The following KCNIP4 variants were observed in gnomAD, a reference collection of about 807,000 sequenced individuals.
The protein encoded by KCNIP4 is potassium voltage-gated channel interacting protein 4.
A neutral mutation model predicts 34.0 loss-of-function variants in KCNIP4; 12 were observed. That is an observed-to-expected ratio of 0.35 (90% CI 0.23 to 0.57). The LOEUF (loss-of-function observed/expected upper bound fraction) is 0.57, where lower values mean the gene tolerates loss of function less well. Among genes scored for constraint, KCNIP4 ranks in the 20% least tolerant of loss-of-function variants. The probability of loss-of-function intolerance (pLI) is 0.83; values close to 1 mark genes in which losing one functional copy is unlikely to be tolerated. For synonymous variants in KCNIP4, 124 were observed against 102.2 expected, an observed-to-expected ratio of 1.21 and a Z score of -1.29; for missense variants, 238 against 311.7, an observed-to-expected ratio of 0.76 and a Z score of 1.78.
chr4:21,899,861 T>G (rs769278389), intron 1 of KCNIP4, among the ~76,000 whole-genome samples: 20 of 152,228 alleles, frequency 1.3e-4, no homozygotes, highest in African/African-American at 4.8e-4. Flanking sequence ...ATGTCTATAC[T>G]ACATAAGCAA....
intron 1 of KCNIP4, among the ~76,000 whole-genome samples, chr4:21,370,157 A>G (rs1438382935): frequency 2.0e-5 from 3 of 147,670 alleles, no homozygotes; most frequent in African/African-American, 5.4e-5. Context: ...TGGAAAAACT[A>G]AGAAGACTGC....
At chr4:20,864,958 A>G (rs879169506) in intron 2 of KCNIP4, among the ~76,000 whole-genome samples, 3 of 152,102 alleles carry the variant, frequency 2.0e-5, no homozygotes, top group African/African-American at 4.8e-5. Flanking sequence ...CCACATCAGA[A>G]GCAGATACTG....
At chr4:21,477,889 T>C (rs1731119784) in intron 1 of KCNIP4, among the ~76,000 whole-genome samples, 1 of 152,196 alleles carries the variant, frequency 6.6e-6, no homozygotes. Flanking sequence ...TGGTATTTTC[T>C]TGCTGATTTA....
chr4:21,803,007 T>C (rs1022115394), intron 1 of KCNIP4, among the ~76,000 whole-genome samples: 1 of 152,284 alleles, frequency 6.6e-6, no homozygotes, highest in South Asian at 2.1e-4. Context: ...CCAACCTTCC[T>C]GAAATTCTCC....
At position 21,371,740 on chromosome 4, in the gene KCNIP4, G is replaced by A. The variant is rs1485760405; in HGVS notation, c.62-489031C>T. Among the ~76,000 whole-genome samples the A allele has an allele frequency of 2.7e-5, 4 of 147,136 alleles. 1 individual carries two copies. The East Asian group carries it at 7.9e-4, about 29-fold the overall frequency. The stretch of plus-strand genomic sequence containing the variant: ...GTACTAGAAAGAAACATGATTGAAA[G>A]CACTATGATTTCAGGAGGCTGATTA... On this transcript the variant is annotated intron_variant, in intron 1 of 8. Coordinates refer to ENST00000382152, the MANE Select transcript of KCNIP4 (RefSeq NM_025221.6).
intron 1 of KCNIP4, among the ~76,000 whole-genome samples, chr4:21,185,811 G>T (rs1229027881): frequency 1.3e-5 from 2 of 152,132 alleles, no homozygotes; most frequent in Non-Finnish European, 2.9e-5. Context: ...GAGTTCACAT[G>T]AGGCATCTAC....
intron 1 of KCNIP4, among the ~76,000 whole-genome samples, chr4:21,889,776 C>A (rs1726986294): frequency 6.6e-6 from 1 of 152,070 alleles, no homozygotes; most frequent in African/African-American, 2.4e-5. Flanking sequence ...CAAGAAGGGA[C>A]CACACAGGCC....
At chr4:20,907,516 G>T (rs546493300) in intron 1 of KCNIP4, among the ~76,000 whole-genome samples, 1 of 152,148 alleles carries the variant, frequency 6.6e-6, no homozygotes, top group Non-Finnish European at 1.5e-5. Context: ...ATATCATTGA[G>T]GTATTACATA....
chr4:20,942,108 G>A (rs1204114153), intron 1 of KCNIP4, among the ~76,000 whole-genome samples: 7 of 152,154 alleles, frequency 4.6e-5, no homozygotes, highest in Non-Finnish European at 7.3e-5. Flanking sequence ...AAGAAAGACC[G>A]TTTAGAGATT....
chr4:20,918,994 A>G (rs1729120614), intron 1 of KCNIP4, among the ~76,000 whole-genome samples: 1 of 152,214 alleles, frequency 6.6e-6, no homozygotes, highest in South Asian at 2.1e-4. Context: ...GCATCCAGGT[A>G]TAAAGGCCCA....
At chr4:21,403,890 G>C (rs1482700414) in intron 1 of KCNIP4, among the ~76,000 whole-genome samples, 1 of 152,090 alleles carries the variant, frequency 6.6e-6, no homozygotes, top group Non-Finnish European at 1.5e-5. Context: ...TCTTTTATAC[G>C]AGCACTAATC....
chr4:21,512,843 T>A (rs983627006), intron 1 of KCNIP4, among the ~76,000 whole-genome samples: 3 of 152,234 alleles, frequency 2.0e-5, no homozygotes, highest in African/African-American at 7.2e-5. Flanking sequence ...ATGATATTAA[T>A]CTACTGAAAG....
Position 21,058,415 on chromosome 4 carries a change from A to C in KCNIP4, c.62-175706T>G, listed in dbSNP as rs1743614309. 4.7e-5 allele frequency among the ~76,000 whole-genome samples: 7 copies of C among 149,376 alleles called. No individual in the cohort carries two copies. The South Asian group carries it at 1.3e-3, about 27-fold the overall frequency. Reference sequence around the variant, plus strand: ...AAGGGGCAGCTCTACAGAGTCACTGAGAGCTCATTGTCCAGACTTGGATAA... The same window carrying C: ...AAGGGGCAGCTCTACAGAGTCACTGCGAGCTCATTGTCCAGACTTGGATAA... On this transcript the variant is annotated intron_variant, in intron 1 of 8. Coordinates refer to ENST00000382152, the MANE Select transcript of KCNIP4 (RefSeq NM_025221.6).
chr4:21,701,349 C>T (rs532609659), intron 1 of KCNIP4, among the ~76,000 whole-genome samples: 9 of 152,176 alleles, frequency 5.9e-5, no homozygotes, highest in East Asian at 3.9e-4. Context: ...TTGTACAACG[C>T]GATGACCACA....
chr4:21,298,617 TTC>T (rs1763979718), intron 1 of KCNIP4, among the ~76,000 whole-genome samples: 1 of 152,112 alleles, frequency 6.6e-6, no homozygotes, highest in African/African-American at 2.4e-5. Flanking sequence ...GAATAAACAT[TTC>T]TGTCTATTTT....
intron 1 of KCNIP4, among the ~76,000 whole-genome samples, chr4:21,140,416 T>C (rs1312643405): frequency 1.3e-5 from 2 of 152,140 alleles, no homozygotes; most frequent in African/African-American, 4.8e-5. Context: ...CAAAGCCCAT[T>C]CCCTTTCCTC....
intron 1 of KCNIP4, among the ~76,000 whole-genome samples, chr4:21,668,489 G>A (rs1210537951): frequency 2.0e-5 from 3 of 152,182 alleles, no homozygotes; most frequent in Admixed American, 6.5e-5. Context: ...CATTAAAAGC[G>A]GGTATAAAAC....
chr4:21,239,507 A>G (rs1017487497), intron 1 of KCNIP4, among the ~76,000 whole-genome samples: 5 of 152,044 alleles, frequency 3.3e-5, no homozygotes, highest in African/African-American at 1.2e-4. Context: ...AGAATCTACA[A>G]TGAACTCAAG....
At chr4:21,387,180 T>C (rs915368603) in intron 1 of KCNIP4, among the ~76,000 whole-genome samples, 1 of 152,162 alleles carries the variant, frequency 6.6e-6, no homozygotes, top group African/African-American at 2.4e-5. Flanking sequence ...AACTGCTCAG[T>C]AGGGACTAAA....
Sources: allele counts gnomAD v4.1 joint callset (sites outside exome capture counted in the v4.1 genomes callset), GRCh38; gene constraint gnomAD v4.1.1; transcripts MANE v1.5; gene names NCBI Gene and HGNC (gene_info 2026-07-23, HGNC 2026-07-21).